GABRA2: variants seen among roughly 807,000 people sequenced by gnomAD.
GABRA2 encodes the protein gamma-aminobutyric acid type A receptor subunit alpha2.
Under a neutral mutation model 48.7 loss-of-function variants are expected in GABRA2, and 16 were observed. The observed-to-expected ratio is 0.33, with a 90% confidence interval of 0.22 to 0.50. The LOEUF (loss-of-function observed/expected upper bound fraction) is 0.50. GABRA2 is among the 20% of genes least tolerant of loss of function. GABRA2 has a pLI of 0.98. For missense variants in GABRA2, 275 were observed against 535.6 expected (o/e 0.51, Z 4.80); for synonymous variants, 185 against 184.5 (o/e 1.00, Z -0.02).
intron 8 of GABRA2, among the ~76,000 whole-genome samples, chr4:46,279,931 T>C (rs1560468972): frequency 6.6e-6 from 1 of 152,050 alleles, no homozygotes; most frequent in African/African-American, 2.4e-5. Context: ...TACTTATAGA[T>C]TGTATAAGTT....
At chr4:46,368,870 C>A in intron 3 of GABRA2, 1 of 513,920 alleles carries the variant, frequency 1.9e-6, no homozygotes, top group Non-Finnish European at 3.6e-6. Flanking sequence ...AAGAAATGTG[C>A]TCTCCAGTTC....
intron 8 of GABRA2, among the ~76,000 whole-genome samples, chr4:46,285,977 A>G (rs547378529): frequency 6.6e-6 from 1 of 152,094 alleles, no homozygotes. Context: ...TTCATATGAC[A>G]TACAATTAAC....
At chr4:46,383,517 A>G (rs1717040224) in intron 3 of GABRA2, among the ~76,000 whole-genome samples, 1 of 152,212 alleles carries the variant, frequency 6.6e-6, no homozygotes, top group African/African-American at 2.4e-5. Context: ...TTAGTTGCTG[A>G]GAAAGGAGGA....
chr4:46,368,139 G>A (rs1226203580), intron 3 of GABRA2: 1 of 152,106 alleles, frequency 6.6e-6, no homozygotes, highest in Non-Finnish European at 1.5e-5. Flanking sequence ...TCCAACCTCA[G>A]TGGACAAGGT....
rs190515424 is a variant in GABRA2 at position 46,339,312 on chromosome 4, G to A, written c.188-6630C>T. Among the ~76,000 whole-genome samples, 458 of 151,942 alleles carry A rather than the reference G, an allele frequency of 3.0e-3. 3 individuals are homozygous for A. The highest frequency in any genetic ancestry group is 0.011 in the African/African-American group (442 of 41,528). ...GGCTATGTTACTATACTGGATAGAA[G>A]AGCCGAACATTTCCATTATCACAGA... On this transcript the variant is annotated intron_variant, in intron 3 of 9. Coordinates refer to ENST00000381620, the MANE Select transcript of GABRA2 (RefSeq NM_000807.4).
chr4:46,376,887 C>T (rs960126244), intron 3 of GABRA2, among the ~76,000 whole-genome samples: 9 of 151,418 alleles, frequency 5.9e-5, no homozygotes, highest in South Asian at 2.1e-4. Flanking sequence ...CGATTGCAGG[C>T]GCGCGCCTGA....
At chr4:46,333,455 T>A (rs1321856001) in intron 3 of GABRA2, among the ~76,000 whole-genome samples, 2 of 152,098 alleles carry the variant, frequency 1.3e-5, no homozygotes, top group Middle Eastern at 3.2e-3. Context: ...ACTGCTCTTG[T>A]AGTAGAAAAA....
Position 46,247,386 on chromosome 4 carries a change from T to A in GABRA2, c.*2922A>T, listed in dbSNP as rs1713915556. ...GTTTTATATAGTCTTTAATTTCAAGTCATTATAAGAATGAGATGCACTTAA... is the reference window on the plus strand; with the variant it reads ...GTTTTATATAGTCTTTAATTTCAAGACATTATAAGAATGAGATGCACTTAA... On this transcript the variant is annotated 3_prime_UTR_variant, in exon 10 of 10. Coordinates refer to ENST00000381620, the MANE Select transcript of GABRA2 (RefSeq NM_000807.4). Among the ~76,000 whole-genome samples the A allele has an allele frequency of 6.6e-6, 1 of 151,132 alleles. No homozygotes were observed. Among genetic ancestry groups the A allele is most frequent in the African/African-American group, 2.4e-5 (1 of 41,292 alleles).
intron 3 of GABRA2, among the ~76,000 whole-genome samples, chr4:46,343,932 T>C (rs989304552): frequency 3.3e-5 from 5 of 151,916 alleles, no homozygotes; most frequent in Non-Finnish European, 7.4e-5. Flanking sequence ...TAAATTTCTT[T>C]ATCCCTAAAA....
intron 3 of GABRA2, among the ~76,000 whole-genome samples, chr4:46,382,039 T>G (rs763049892): frequency 2.0e-5 from 3 of 152,142 alleles, no homozygotes; most frequent in Non-Finnish European, 4.4e-5. Flanking sequence ...GGCACGGTTC[T>G]AGATGCTTAG....
intron 7 of GABRA2, 125 bp from the exon 8 acceptor site, chr4:46,303,737 G>A: frequency 1.3e-6 from 1 of 757,138 alleles, no homozygotes. Context: ...ATACATGTCA[G>A]GAAATTTATA....
At chr4:46,363,129 A>T (rs1713478693) in intron 3 of GABRA2, among the ~76,000 whole-genome samples, 1 of 152,156 alleles carries the variant, frequency 6.6e-6, no homozygotes, top group African/African-American at 2.4e-5. Context: ...ACACCAAATC[A>T]CTTCTCTTAA....
chr4:46,344,940 A>G (rs930647552), intron 3 of GABRA2, among the ~76,000 whole-genome samples: 7 of 152,072 alleles, frequency 4.6e-5, no homozygotes, highest in South Asian at 2.1e-4. Flanking sequence ...AAAATATTGT[A>G]TATCCATATG....
chr4:46,389,664 G>T, intron 1 of GABRA2, 71 bp downstream of exon 1: 1 of 869,962 alleles, frequency 1.1e-6, no homozygotes, highest in Non-Finnish European at 1.4e-6. Context: ...GGTGGGGGGA[G>T]ATGAGGCATG....
chr4:46,258,147 TG>T (rs1393816117), intron 9 of GABRA2, among the ~76,000 whole-genome samples: 1 of 151,726 alleles, frequency 6.6e-6, no homozygotes, highest in Non-Finnish European at 1.5e-5. Context: ...AATGAAGGCA[TG>T]GGTTTTAAAT....
chr4:46,367,283 T>C (rs1223793803), intron 3 of GABRA2: 1 of 152,128 alleles, frequency 6.6e-6, no homozygotes, highest in Non-Finnish European at 1.5e-5. Context: ...AATAAGTAGC[T>C]CTCCAAAGCA....
At chr4:46,374,188 A>G (rs1715349073) in intron 3 of GABRA2, among the ~76,000 whole-genome samples, 1 of 152,162 alleles carries the variant, frequency 6.6e-6, no homozygotes, top group South Asian at 2.1e-4. Context: ...TGAACTCTCC[A>G]ACCAAAAAAT....
At chr4:46,315,824 G>C (rs1407661867) in intron 4 of GABRA2, among the ~76,000 whole-genome samples, 2 of 151,572 alleles carry the variant, frequency 1.3e-5, no homozygotes, top group African/African-American at 2.4e-5. Flanking sequence ...TCTTATTGAA[G>C]CCCTTCCTCT....
intron 5 of GABRA2, 45 bp downstream of exon 5, chr4:46,312,451 A>G (rs775171742): frequency 1.5e-6 from 2 of 1,335,990 alleles, no homozygotes; most frequent in Non-Finnish European, 2.1e-6. Context: ...AATACATGAA[A>G]ATTTCTCAGT....
Sources: allele counts gnomAD v4.1 joint callset (sites outside exome capture counted in the v4.1 genomes callset), GRCh38; gene constraint gnomAD v4.1.1; transcripts MANE v1.5; gene names NCBI Gene and HGNC (gene_info 2026-07-23, HGNC 2026-07-21).